DNAH6: variants seen among roughly 807,000 people sequenced by gnomAD.
DNAH6 encodes the protein axonemal beta dynein heavy chain 6.
Under a neutral mutation model 491.4 loss-of-function variants are expected in DNAH6, and 340 were observed. That is an observed-to-expected ratio of 0.69 (90% CI 0.63 to 0.76). The LOEUF (loss-of-function observed/expected upper bound fraction) is 0.76, where lower values mean the gene tolerates loss of function less well. Among genes scored for constraint, DNAH6 ranks in the 30% least tolerant of loss-of-function variants. The pLI is 0.00. For missense variants in DNAH6, 4,443 were observed against 4,972.2 expected, an observed-to-expected ratio of 0.89 and a Z score of 3.20; for synonymous variants, 1,603 against 1,686.1, an observed-to-expected ratio of 0.95 and a Z score of 1.21.
At chr2:84,811,159 A>C (rs1351225599) in intron 72 of DNAH6, among the ~76,000 whole-genome samples, 6 of 152,200 alleles carry the variant, frequency 3.9e-5, no homozygotes, top group African/African-American at 1.4e-4. Context: ...TACAGGGAGA[A>C]GGGAACCAAC....
chr2:84,470,596 T>A, the DNAH6 span, among the ~76,000 whole-genome samples: 1 of 152,154 alleles, frequency 6.6e-6, no homozygotes, highest in South Asian at 2.1e-4. Flanking sequence ...CAGCTGGTTT[T>A]GGTATGTTTG....
intron 51 of DNAH6, among the ~76,000 whole-genome samples, chr2:84,704,647 A>T (rs1037461886): frequency 2.6e-5 from 4 of 152,218 alleles, no homozygotes; most frequent in African/African-American, 9.6e-5. Flanking sequence ...AACACTGCTC[A>T]GTTGGATAGT....
chr2:84,771,939 A>G (rs563343472), intron 64 of DNAH6, among the ~76,000 whole-genome samples: 10 of 152,198 alleles, frequency 6.6e-5, no homozygotes, highest in Non-Finnish European at 1.2e-4. Flanking sequence ...GTCACTAAGA[A>G]TATACTTTTG....
intron 3 of DNAH6, among the ~76,000 whole-genome samples, chr2:84,528,054 G>A (rs1676771525): frequency 6.6e-6 from 1 of 152,160 alleles, no homozygotes. Context: ...TCCTCCATGG[G>A]AGGAACAGAT....
chr2:84,658,938 A>G (rs1253640937), intron 36 of DNAH6, 88 bp from the exon 37 acceptor site: 2 of 844,090 alleles, frequency 2.4e-6, no homozygotes, highest in African/African-American at 1.8e-5. Context: ...AGTCTAAATG[A>G]AAGAAAAATA....
Position 84,624,301 on chromosome 2 carries a change from C to G in DNAH6, c.4108C>G (p.Leu1370Val), listed in dbSNP as rs1036302911. 6.4e-7 allele frequency: 1 copy of G among 1,551,032 alleles called. No homozygotes were observed. The highest frequency in any genetic ancestry group is 2.4e-5 in the East Asian group (1 of 40,872). The change falls in exon 27 of 77, where the codon CTT becomes GTT. Residue 1370 changes from leucine (L) to valine (V), a missense_variant. Physicochemically the swap from Leu to Val is conservative, Grantham distance 32. Coordinates refer to ENST00000389394, the MANE Select transcript of DNAH6 (RefSeq NM_001370.2). The part of the protein sequence containing the change: ...NALAAIVQGS[L>V]PKLHRNILTA... ...CCTAGCTGCAATAGTTCAAGGCAGT[C>G]TTCCTAAATTACACAGAAACATCCT...
intron 61 of DNAH6, among the ~76,000 whole-genome samples, chr2:84,728,156 G>A (rs1444362086): frequency 1.3e-5 from 2 of 152,208 alleles, no homozygotes; most frequent in African/African-American, 2.4e-5. Flanking sequence ...CATGTAAGAT[G>A]TGCCTTTTGC....
chr2:84,783,553 A>G (rs988820533), intron 65 of DNAH6, among the ~76,000 whole-genome samples: 42 of 152,210 alleles, frequency 2.8e-4, no homozygotes, highest in African/African-American at 9.9e-4. Flanking sequence ...ATTTGGTAGA[A>G]CTAACTTTTA....
At chr2:84,744,442 T>C (rs573165063) in intron 62 of DNAH6, among the ~76,000 whole-genome samples, 2 of 152,250 alleles carry the variant, frequency 1.3e-5, no homozygotes, top group Non-Finnish European at 2.9e-5. Context: ...CCATTTCTTA[T>C]AAATATTCTA....
intron 64 of DNAH6, among the ~76,000 whole-genome samples, chr2:84,779,758 G>T (rs538847203): frequency 3.9e-5 from 6 of 152,238 alleles, no homozygotes; most frequent in Middle Eastern, 3.4e-3. Flanking sequence ...GTGTGTCTTT[G>T]TGGTAGCAGG....
At chr2:84,710,991 C>A (rs553582670) in intron 56 of DNAH6, among the ~76,000 whole-genome samples, 1 of 152,000 alleles carries the variant, frequency 6.6e-6, no homozygotes, top group South Asian at 2.1e-4. Context: ...ATTTGGGAAC[C>A]AGTGGCAAAA....
chr2:84,752,909 TTTATC>T (rs1673609823), intron 63 of DNAH6, among the ~76,000 whole-genome samples: 1 of 152,188 alleles, frequency 6.6e-6, no homozygotes, highest in Non-Finnish European at 1.5e-5. Context: ...TGGGTTTTAA[TTTATC>T]TTATGTATTT....
intron 40 of DNAH6, 65 bp from the exon 41 acceptor site, chr2:84,676,940 A>G (rs1693283942): frequency 6.6e-6 from 10 of 1,522,494 alleles, no homozygotes; most frequent in African/African-American, 5.5e-5. Flanking sequence ...AAGTCCTACC[A>G]TTAGGATAGG....
chr2:84,555,247 T>C (rs1396046465), intron 10 of DNAH6, among the ~76,000 whole-genome samples: 1 of 152,244 alleles, frequency 6.6e-6, no homozygotes, highest in East Asian at 1.9e-4. Context: ...TATCGTTTCC[T>C]AATACTTGAT....
Position 84,805,530 on chromosome 2 carries a change from C to CATT in DNAH6, c.11482-134_11482-133insTTA. The CATT allele has an allele frequency of 5.5e-6, 4 of 726,704 alleles. No individual in the cohort carries two copies. The East Asian group carries it at 1.0e-4, about 18-fold the overall frequency. The allele number at this position is 726,704 out of a possible 1,614,324, so 45.0% of individuals were successfully genotyped here. A position where few individuals can be genotyped will look rare whatever the true frequency, so the allele number is the denominator to read the frequency against. On this transcript the variant is annotated intron_variant, in intron 70 of 76. Transcript: ENST00000389394. ...TAGATCTCATGTTAATTGTTCTTAC[C>CATT]ACAATAAAATAAAGTGAAAATAAAT...
intron 70 of DNAH6, among the ~76,000 whole-genome samples, chr2:84,801,269 G>GAAAAA (rs548174516): frequency 9.0e-6 from 1 of 110,498 alleles, no homozygotes; most frequent in Non-Finnish European, 1.9e-5. Context: ...AAAAGAAAAA[G>GAAAAA]AAAAAAAAAA....
At chr2:84,770,877 C>T (rs576252591) in intron 64 of DNAH6, among the ~76,000 whole-genome samples, 5 of 152,102 alleles carry the variant, frequency 3.3e-5, no homozygotes, top group African/African-American at 1.2e-4. Context: ...GTAGTCCCAG[C>T]TACTTCGAAG....
chr2:84,686,499 T>G lies in DNAH6; in HGVS notation c.7079T>G (p.Ile2360Ser). The G allele has an allele frequency of 6.5e-7, 1 of 1,533,716 alleles. No homozygotes were observed. Among genetic ancestry groups the G allele is most frequent in the Non-Finnish European group, 8.8e-7 (1 of 1,133,558 alleles). ...LTEMANKHFG[I>S]AIDLEYFLNK... is the part of the protein sequence containing the mutation. ...CTTTAAATAGACAAACATTTTGGAA[T>G]TGCAATTGACCTGGAATATTTTTTG... Residue 2360 changes from isoleucine (I) to serine (S), a missense_variant, in exon 44 of 77, where the codon ATT becomes AGT. By Grantham distance (142) the Ile-to-Ser change is moderately radical (BLOSUM62 -2). Around this residue, in one of 3 missense-constraint regions of DNAH6, gnomAD observed 2,977 missense variants for 3,296.6 expected, o/e 0.90. Transcript: ENST00000389394.
At chr2:84,539,043 C>CA (rs1222318268) in intron 4 of DNAH6, among the ~76,000 whole-genome samples, 2 of 151,852 alleles carry the variant, frequency 1.3e-5, no homozygotes, top group African/African-American at 2.4e-5. Flanking sequence ...GCCATATTAT[C>CA]AAAAAAACCT....
Sources: gnomAD v4.1 joint callset for allele counts (sites outside exome capture counted in the v4.1 genomes callset) on GRCh38, gnomAD v4.1.1 for gene constraint, gnomAD v4.1.1 regional missense constraint, MANE v1.5 for transcripts, NCBI Gene and HGNC (gene_info 2026-07-23, HGNC 2026-07-21) for gene names.